BTC: variants seen among roughly 807,000 people sequenced by gnomAD.
BTC encodes the protein betacellulin.
Under a neutral mutation model 18.1 loss-of-function variants are expected in BTC, and 13 were observed. The observed-to-expected ratio is 0.72, with a 90% confidence interval of 0.47 to 1.14. BTC has a LOEUF of 1.14. Ranked by LOEUF, BTC falls within the 50% of genes most tolerant of loss-of-function variation. BTC has a pLI of 0.00. For synonymous variants in BTC, 83 were observed against 79.4 expected, an observed-to-expected ratio of 1.05 and a Z score of -0.24; for missense variants, 247 against 224.2, an observed-to-expected ratio of 1.10 and a Z score of -0.65.
At chr4:74,781,234 G>C (rs1004898579) in intron 1 of BTC, among the ~76,000 whole-genome samples, 2 of 142,714 alleles carry the variant, frequency 1.4e-5, no homozygotes, top group African/African-American at 2.8e-5. Flanking sequence ...CTGCCTTCCT[G>C]GAATTTTAGT....
rs76263622 is a variant in BTC, at chr4:74,788,437, G to A, written c.64+5825C>T. ...TTCTGAGATCATATTTAATCTGTAC[G>A]ATGCAATTTAAACTTCCTTAAGGAT... On this transcript the variant is annotated intron_variant, in intron 1 of 5. Coordinates refer to ENST00000395743, the MANE Select transcript of BTC (RefSeq NM_001729.4). Among the ~76,000 whole-genome samples, 25 of 152,188 alleles carry A rather than the reference G, an allele frequency of 1.6e-4. No homozygotes were observed. In the East Asian group the frequency reaches 4.6e-3, roughly 28 times the overall value.
chr4:74,748,135 C>T lies in BTC; in HGVS notation c.443G>A (p.Arg148His). 2 of 1,607,300 alleles carry T rather than the reference C, an allele frequency of 1.2e-6. No individual in the cohort carries two copies. Among genetic ancestry groups the T allele is most frequent in the South Asian group, 2.2e-5 (2 of 90,914 alleles). The change falls in exon 5 of 6, where the codon CGT becomes CAT. Residue 148 changes from arginine (R) to histidine (H), a missense_variant. Arg to His is a conservative substitution (Grantham distance 29, BLOSUM62 0). Transcript: ENST00000395743. ...VCTCCHPLRK[R>H]RKRKKKEEEM... is the part of the protein sequence containing the mutation. Reference sequence around the variant, plus strand: ...TTCTTCTTTCTTCTTTCTTTTACGACGTTTCCGAAGAGGGCTTGGAAAATA... The same window carrying T: ...TTCTTCTTTCTTCTTTCTTTTACGATGTTTCCGAAGAGGGCTTGGAAAATA...
intron 2 of BTC, among the ~76,000 whole-genome samples, chr4:74,763,344 A>G (rs1482180298): frequency 6.6e-6 from 1 of 152,172 alleles, no homozygotes; most frequent in East Asian, 1.9e-4. Flanking sequence ...TAACTCAGTG[A>G]CAAGTTGCAT....
At chr4:74,786,094 C>A (rs1725470996) in intron 1 of BTC, among the ~76,000 whole-genome samples, 1 of 152,224 alleles carries the variant, frequency 6.6e-6, no homozygotes, top group Middle Eastern at 3.4e-3. Flanking sequence ...CAAGGAGATA[C>A]CTGAATACGT....
intron 1 of BTC, among the ~76,000 whole-genome samples, chr4:74,771,299 A>G (rs539542048): frequency 6.6e-6 from 1 of 152,210 alleles, no homozygotes; most frequent in Non-Finnish European, 1.5e-5. Context: ...TAGGTAATCA[A>G]TGTGCAATAA....
At chr4:74,779,125 C>T (rs1300736449) in intron 1 of BTC, among the ~76,000 whole-genome samples, 1 of 151,880 alleles carries the variant, frequency 6.6e-6, no homozygotes, top group East Asian at 1.9e-4. Flanking sequence ...CTTCTTCCTC[C>T]AATGTAAAAC....
chr4:74,780,226 T>C lies in BTC; in HGVS notation c.65-10070A>G, dbSNP rs146995864. 3.2e-3 allele frequency among the ~76,000 whole-genome samples: 485 copies of C among 152,308 alleles called. 3 individuals are homozygous for C. The highest frequency in any genetic ancestry group is 0.011 in the African/African-American group (463 of 41,574). On this transcript the variant is annotated intron_variant, in intron 1 of 5. Transcript: ENST00000395743. ...AATAGTCACAACACATATTGCCAGT[T>C]GAAGCTTCTCAATGACTGCCCACCA...
At chr4:74,777,582 T>C (rs1725209707) in intron 1 of BTC, among the ~76,000 whole-genome samples, 1 of 152,172 alleles carries the variant, frequency 6.6e-6, no homozygotes, top group Non-Finnish European at 1.5e-5. Flanking sequence ...CAAAACTATA[T>C]TTTGGCCTCT....
chr4:74,769,838 G>A (rs1431712297), intron 2 of BTC, among the ~76,000 whole-genome samples: 1 of 151,938 alleles, frequency 6.6e-6, no homozygotes, highest in Non-Finnish European at 1.5e-5. Flanking sequence ...ATGACCTTTG[G>A]CAAGTTACTT....
chr4:74,747,788 GA>G (rs1184957999), intron 5 of BTC, among the ~76,000 whole-genome samples: 11 of 151,912 alleles, frequency 7.2e-5, no homozygotes, highest in Admixed American at 2.0e-4. Flanking sequence ...AAATGAGAAA[GA>G]AAAAATTATA....
chr4:74,769,289 GAACA>G lies in BTC; in HGVS notation c.163+765_163+768del, dbSNP rs1385709357. ...AAGACCAGAACATACAATCTATACAGAACAAACAATCTATACAGAACAAACATAA... is the reference window on the plus strand; with the variant it reads ...AAGACCAGAACATACAATCTATACAGAACAATCTATACAGAACAAACATAA... On this transcript the variant is annotated intron_variant, in intron 2 of 5. Transcript: ENST00000395743. 5.3e-5 allele frequency among the ~76,000 whole-genome samples: 8 copies of G among 152,060 alleles called. No individual in the cohort carries two copies. In the East Asian group the frequency reaches 1.2e-3, roughly 22 times the overall value.
intron 1 of BTC, among the ~76,000 whole-genome samples, chr4:74,773,262 T>C (rs1204493982): frequency 6.6e-6 from 1 of 152,190 alleles, no homozygotes; most frequent in African/African-American, 2.4e-5. Context: ...TCTGAAATGC[T>C]TTCCTAGCAA....
chr4:74,756,539 TAGAA>T (rs1442104827), intron 2 of BTC, among the ~76,000 whole-genome samples: 1 of 152,134 alleles, frequency 6.6e-6, no homozygotes, highest in Non-Finnish European at 1.5e-5. Context: ...ATCACACAGA[TAGAA>T]AGTGGAAAAA....
At chr4:74,788,578 A>T (rs1314347842) in intron 1 of BTC, among the ~76,000 whole-genome samples, 1 of 152,242 alleles carries the variant, frequency 6.6e-6, no homozygotes, top group Non-Finnish European at 1.5e-5. Context: ...ACAGTTTTAG[A>T]CACACTGTAA....
intron 2 of BTC, among the ~76,000 whole-genome samples, chr4:74,767,303 A>T (rs1180994055): frequency 6.6e-6 from 1 of 151,976 alleles, no homozygotes; most frequent in Non-Finnish European, 1.5e-5. Flanking sequence ...CGAACTATTC[A>T]AAAAGCAAAG....
intron 2 of BTC, among the ~76,000 whole-genome samples, chr4:74,759,740 G>A (rs116465848): frequency 5.9e-4 from 89 of 152,026 alleles, no homozygotes; most frequent in African/African-American, 2.0e-3. Flanking sequence ...AAAGGAATCG[G>A]AAGTAAGGAC....
intron 1 of BTC, among the ~76,000 whole-genome samples, chr4:74,793,981 G>A (rs1725701684): frequency 6.6e-6 from 1 of 151,710 alleles, no homozygotes; most frequent in Non-Finnish European, 1.5e-5. Context: ...GTCAGCAGCT[G>A]GCGGCCTGCT....
chr4:74,771,781 C>A (rs940561785), intron 1 of BTC, among the ~76,000 whole-genome samples: 2 of 152,142 alleles, frequency 1.3e-5, no homozygotes, highest in Non-Finnish European at 2.9e-5. Flanking sequence ...AGCAAATACA[C>A]ACACAATGTA....
chr4:74,770,644 G>A (rs1427763010), intron 1 of BTC, among the ~76,000 whole-genome samples: 1 of 152,026 alleles, frequency 6.6e-6, no homozygotes, highest in Admixed American at 6.6e-5. Flanking sequence ...GGCTCCTCTA[G>A]CTAAGAATCT....
Sources: allele counts gnomAD v4.1 joint callset (sites outside exome capture counted in the v4.1 genomes callset), GRCh38; gene constraint gnomAD v4.1.1; transcripts MANE v1.5; gene names NCBI Gene and HGNC (gene_info 2026-07-23, HGNC 2026-07-21).